The following SIRT4 variants were observed in gnomAD, a reference collection of about 807,000 sequenced individuals.
SIRT4 encodes sirtuin 4, also known as NAD-dependent protein lipoamidase sirtuin-4, mitochondrial.
A neutral mutation model predicts 26.1 loss-of-function variants in SIRT4; 23 were observed. That is an observed-to-expected ratio of 0.88 (90% CI 0.63 to 1.25). SIRT4 has a LOEUF of 1.25. SIRT4 is among the 50% of genes most tolerant of loss of function. SIRT4 has a pLI of 0.00. For synonymous variants in SIRT4, 155 were observed against 158.4 expected (o/e 0.98, Z 0.16); for missense variants, 361 against 405.4 (o/e 0.89, Z 0.94).
chr12:120,304,939 A>T (rs1872696694), intron 2 of SIRT4, among the ~76,000 whole-genome samples: 1 of 149,290 alleles, frequency 6.7e-6, no homozygotes, highest in Non-Finnish European at 1.5e-5. Flanking sequence ...AGATTACCTG[A>T]GGTCAGGAGT....
At position 120,312,577 on chromosome 12, in the gene SIRT4, C is replaced by G. The variant is rs758996735; in HGVS notation, c.619C>G (p.Leu207Val). ...HGLAPDGDVFLSEEQVRSFQV... is the reference protein window; with the variant it reads ...HGLAPDGDVFVSEEQVRSFQV... The stretch of plus-strand genomic sequence containing the variant: ...CCTGGCTCCTGATGGTGACGTCTTT[C>G]TCTCAGAGGAGCAAGTCCGGAGCTT... Residue 207 changes from leucine to valine, a missense_variant, in exon 3 of 4, where the codon CTC becomes GTC. Transcript: ENST00000202967. 25 of 1,614,080 alleles carry G rather than the reference C, an allele frequency of 1.5e-5. No homozygotes were observed. The highest frequency in any genetic ancestry group is 2.1e-5 in the Non-Finnish European group (25 of 1,180,040).
chr12:120,298,575 G>A (rs1872420902), upstream of SIRT4, among the ~76,000 whole-genome samples: 1 of 151,950 alleles, frequency 6.6e-6, no homozygotes, highest in African/African-American at 2.4e-5. Context: ...CTGGGTGAAA[G>A]AGTGAGACCA....
In SIRT4 at chr12:120,312,438, C is replaced by T. The variant is rs533083137; in HGVS notation, c.498-18C>T. ...TCCCAAGGGCATACTGTTCAGTCAG[C>T]GTCTTCCTTGGTTCCAGGGTCCTGT... On this transcript the variant is annotated intron_variant, in intron 2 of 3. Coordinates refer to ENST00000202967, the MANE Select transcript of SIRT4 (RefSeq NM_012240.3). 13 of 1,592,614 alleles carry T rather than the reference C, an allele frequency of 8.2e-6. No individual in the cohort carries two copies. In the East Asian group the frequency reaches 1.1e-4, roughly 14 times the overall value.
chr12:120,296,182 A>G, the SIRT4 span, among the ~76,000 whole-genome samples: 1 of 151,166 alleles, frequency 6.6e-6, no homozygotes, highest in African/African-American at 2.4e-5. Flanking sequence ...AGAATTCCTC[A>G]GTGAACATTC....
intron 2 of SIRT4, among the ~76,000 whole-genome samples, chr12:120,311,555 A>G (rs955212542): frequency 6.7e-6 from 1 of 150,214 alleles, no homozygotes; most frequent in Non-Finnish European, 1.5e-5. Flanking sequence ...AACATGGAGA[A>G]ACCCCGTCTC....
At chr12:120,303,146 C>T (rs1158500828) in intron 1 of SIRT4, among the ~76,000 whole-genome samples, 2 of 151,842 alleles carry the variant, frequency 1.3e-5, no homozygotes, top group Non-Finnish European at 2.9e-5. Context: ...AAAAGGAATG[C>T]GTGTGTGTGC....
intron 2 of SIRT4, among the ~76,000 whole-genome samples, chr12:120,304,471 GA>G (rs1872663616): frequency 1.3e-5 from 2 of 151,888 alleles, no homozygotes; most frequent in Non-Finnish European, 2.9e-5. Context: ...CCAACATGGT[GA>G]AACCCCATTT....
At chr12:120,308,169 T>TATGGGTACAGGGGGCTTGAGATTGGC (rs1566464866) in intron 2 of SIRT4, among the ~76,000 whole-genome samples, 1 of 147,660 alleles carries the variant, frequency 6.8e-6, no homozygotes. Flanking sequence ...AGAAAGCTTT[T>TATGGGTACAGGGGGCTTGAGATTGGC]TTTTTTTTTT....
rs1301423562 is a variant in SIRT4 at position 120,303,941 on chromosome 12, C to T, written c.380C>T (p.Ala127Val). The T allele has an allele frequency of 6.2e-7, 1 of 1,614,210 alleles. No individual in the cohort carries two copies. Among genetic ancestry groups the T allele is most frequent in the Non-Finnish European group, 8.5e-7 (1 of 1,180,046 alleles). Residue 127 changes from alanine to valine, a missense_variant, in exon 2 of 4, where the codon GCT becomes GTT. Coordinates refer to ENST00000202967, the MANE Select transcript of SIRT4 (RefSeq NM_012240.3). ...CACCAGCCTAACCCTGCACACTGGG[C>T]TTTGAGCACCTGGGAGAAACTCGGA... Reference protein sequence around the residue: ...SSHQPNPAHWALSTWEKLGKL... With the variant: ...SSHQPNPAHWVLSTWEKLGKL...
chr12:120,311,434 G>A (rs1872966892), intron 2 of SIRT4, among the ~76,000 whole-genome samples: 1 of 150,820 alleles, frequency 6.6e-6, no homozygotes, highest in South Asian at 2.1e-4. Context: ...CTGGTGATTG[G>A]AGAGGTGAGA....
intron 2 of SIRT4, 81 bp from the exon 3 acceptor site, chr12:120,312,375 A>G: frequency 7.4e-7 from 1 of 1,344,904 alleles, no homozygotes; most frequent in Non-Finnish European, 1.0e-6. Context: ...AAGGGCTGAA[A>G]ATGGTTGGAG....
upstream of SIRT4, among the ~76,000 whole-genome samples, chr12:120,301,343 T>C (rs1439920805): frequency 5.7e-5 from 8 of 141,128 alleles, no homozygotes; most frequent in East Asian, 1.8e-3. Context: ...AGACTCCGTC[T>C]CAAAAACAAA....
intron 2 of SIRT4, among the ~76,000 whole-genome samples, chr12:120,304,456 C>G (rs59509861): frequency 1.5e-3 from 229 of 151,682 alleles, no homozygotes; most frequent in African/African-American, 5.3e-3. Context: ...TCGAGACCAG[C>G]CTGGCCAACA....
At chr12:120,309,382 T>G (rs1277902254) in intron 2 of SIRT4, among the ~76,000 whole-genome samples, 1 of 151,928 alleles carries the variant, frequency 6.6e-6, no homozygotes, top group African/African-American at 2.4e-5. Context: ...CCAGGACTTC[T>G]TGACATTTCA....
At chr12:120,298,679 C>T (rs1398262485), upstream of SIRT4, among the ~76,000 whole-genome samples, 1 of 150,922 alleles carries the variant, frequency 6.6e-6, no homozygotes, top group Non-Finnish European at 1.5e-5. Context: ...GAGGCTGAGG[C>T]GGGCGGATCG....
the SIRT4 span, chr12:120,293,058 C>A: frequency 2.2e-5 from 3 of 138,172 alleles, no homozygotes; most frequent in Non-Finnish European, 4.7e-5. Flanking sequence ...CCCACACACA[C>A]AAAAAAAGCC....
Position 120,313,218 on chromosome 12 carries a change from T to G in SIRT4, c.*182T>G, listed in dbSNP as rs1218962068. On this transcript the variant is annotated 3_prime_UTR_variant, in exon 4 of 4. Coordinates refer to ENST00000202967, the MANE Select transcript of SIRT4 (RefSeq NM_012240.3). The stretch of plus-strand genomic sequence containing the variant: ...TATTCTTAATTAAAACTCATTTTTT[T>G]TAAATAAAAAATTGTTCAGCTTTAT... The G allele has an allele frequency of 4.6e-6, 3 of 658,568 alleles. No individual in the cohort carries two copies. The highest frequency in any genetic ancestry group is 6.2e-5 in the Admixed American group (2 of 32,240). 40.8% of individuals were successfully genotyped at this position (658,568 alleles called of 1,614,324 possible).
At chr12:120,306,891 C>T (rs1174449788) in intron 2 of SIRT4, among the ~76,000 whole-genome samples, 1 of 152,168 alleles carries the variant, frequency 6.6e-6, no homozygotes, top group Non-Finnish European at 1.5e-5. Flanking sequence ...ATAGCATGTG[C>T]TATAAACTGC....
chr12:120,304,824 T>C (rs55754012), intron 2 of SIRT4, among the ~76,000 whole-genome samples: 69,905 of 104,098 alleles, frequency 0.67, 19,907 homozygotes, highest in Middle Eastern at 0.73. Context: ...TATATATATA[T>C]ATATATATAT....
Sources: gnomAD v4.1 joint callset for allele counts (sites outside exome capture counted in the v4.1 genomes callset) on GRCh38, gnomAD v4.1.1 for gene constraint, MANE v1.5 for transcripts, NCBI Gene and HGNC (gene_info 2026-07-23, HGNC 2026-07-21) for gene names.